HCN2: variants seen among roughly 807,000 people sequenced by gnomAD.
HCN2 encodes the protein hyperpolarization activated cyclic nucleotide gated potassium and sodium channel 2.
HCN2 carries 20 observed loss-of-function variants against 52.3 expected under a neutral mutation model. The ratio of observed to expected loss-of-function variants is 0.38; its 90% CI spans 0.27 to 0.56. HCN2 has a LOEUF of 0.56. Among genes scored for constraint, HCN2 ranks in the 20% least tolerant of loss-of-function variants. HCN2 has a pLI of 0.71. For missense variants in HCN2, 981 were observed against 1,207.7 expected, an observed-to-expected ratio of 0.81 and a Z score of 2.78; for synonymous variants, 694 against 537.0, an observed-to-expected ratio of 1.29 and a Z score of -4.04.
chr19:597,258 G>A (rs977434558), intron 1 of HCN2, among the ~76,000 whole-genome samples: 2 of 152,242 alleles, frequency 1.3e-5, no homozygotes, highest in African/African-American at 4.8e-5. Context: ...CTCAAGGGAG[G>A]TGGTTTCCAG....
chr19:598,561 C>T (rs1193069674), intron 1 of HCN2, among the ~76,000 whole-genome samples: 1 of 152,050 alleles, frequency 6.6e-6, no homozygotes, highest in African/African-American at 2.4e-5. Flanking sequence ...TAGTCTTGGC[C>T]TCCCAAGGTG....
chr19:615,626 T>C (rs190506760), intron 7 of HCN2, among the ~76,000 whole-genome samples, 169 bp from the exon 8 acceptor site: 9 of 152,350 alleles, frequency 5.9e-5, no homozygotes, highest in South Asian at 4.1e-4. Flanking sequence ...ATCCATACTA[T>C]AGGCCAGAGA....
rs1235580083 is a variant in HCN2 at position 590,788 on chromosome 19, G to A, written c.632+211G>A. On this transcript the variant is annotated intron_variant, in intron 1 of 7. Coordinates refer to ENST00000251287, the MANE Select transcript of HCN2 (RefSeq NM_001194.4). The surrounding 1 kb of genome is among the most constrained non-coding windows in gnomAD (Gnocchi z 7.2). ...CTGGGGGGGCTCCCCGGGTGACCGC[G>A]GAGCGCCCCCCTCCCACGCACCCCG... The A allele has an allele frequency of 3.3e-6, 1 of 304,456 alleles. No homozygotes were observed. The highest frequency in any genetic ancestry group is 5.4e-5 in the East Asian group (1 of 18,634). 18.9% of individuals were successfully genotyped at this position (304,456 alleles called of 1,614,324 possible).
chr19:602,646 C>G (rs1198039670), intron 1 of HCN2, among the ~76,000 whole-genome samples: 2 of 152,254 alleles, frequency 1.3e-5, no homozygotes, highest in Non-Finnish European at 2.9e-5. Flanking sequence ...CAGTGCCCCT[C>G]TGCACCCCGG....
intron 4 of HCN2, among the ~76,000 whole-genome samples, chr19:609,893 G>T (rs1983549734): frequency 6.6e-6 from 1 of 151,768 alleles, no homozygotes; most frequent in African/African-American, 2.4e-5. Flanking sequence ...GAGCGAGACA[G>T]TGTCTCAGAA....
Position 616,230 on chromosome 19 carries a change from C to A in HCN2, c.2426C>A (p.Pro809His), listed in dbSNP as rs1361822487. Reference protein sequence around the residue: ...PAAPLAGPALPARRLSRASRP... With the variant: ...PAAPLAGPALHARRLSRASRP... Reference sequence around the variant, plus strand: ...GCCCCCCTTGCTGGGCCCGCCCTGCCCGCGCGCCGCCTGAGCCGCGCGTCG... The same window carrying A: ...GCCCCCCTTGCTGGGCCCGCCCTGCACGCGCGCCGCCTGAGCCGCGCGTCG... Residue 809 changes from proline (P) to histidine (H), a missense_variant, in exon 8 of 8, where the codon CCC (proline) becomes CAC (histidine). Coordinates refer to ENST00000251287, the MANE Select transcript of HCN2 (RefSeq NM_001194.4). The A allele has an allele frequency of 2.0e-6, 2 of 994,256 alleles. No individual in the cohort carries two copies. Among genetic ancestry groups the A allele is most frequent in the African/African-American group, 1.8e-5 (1 of 56,926 alleles). 61.6% of individuals were successfully genotyped at this position (994,256 alleles called of 1,614,324 possible). A position where few individuals can be genotyped will look rare whatever the true frequency, so the allele number is the denominator to read the frequency against.
intron 5 of HCN2, among the ~76,000 whole-genome samples, chr19:612,678 G>T (rs968969939): frequency 1.3e-5 from 2 of 151,720 alleles, no homozygotes; most frequent in African/African-American, 2.4e-5. Flanking sequence ...GCCTCCCAGA[G>T]TGCTGGGATT....
intron 1 of HCN2, among the ~76,000 whole-genome samples, chr19:602,222 C>T (rs10410763): frequency 0.015 from 571 of 38,098 alleles, no homozygotes; most frequent in African/African-American, 0.023. Context: ...ACGCCCCACT[C>T]CCTCCTCTCT....
chr19:595,852 C>G (rs994812939), intron 1 of HCN2, among the ~76,000 whole-genome samples: 1 of 152,244 alleles, frequency 6.6e-6, no homozygotes, highest in Non-Finnish European at 1.5e-5. Flanking sequence ...CCTTAATCAC[C>G]GACCTCCGGC....
rs150194571 is a variant in HCN2, at chr19:609,586, C to T, written c.1438-673C>T. Among the ~76,000 whole-genome samples the T allele has an allele frequency of 4.9e-3, 740 of 152,294 alleles. 1 individual carries two copies. The highest frequency in any genetic ancestry group is 7.0e-3 in the African/African-American group (291 of 41,570). ...TTTAAGACCAGCCTGAGCAACACGG[C>T]GAGACCTCATCGCTACAAAAAATTA... On this transcript the variant is annotated intron_variant, in intron 4 of 7. Coordinates refer to ENST00000251287, the MANE Select transcript of HCN2 (RefSeq NM_001194.4).
rs1982886106 is a variant in HCN2 at position 591,928 on chromosome 19, T to G, written c.632+1351T>G. 6.6e-6 allele frequency among the ~76,000 whole-genome samples: 1 copy of G among 152,154 alleles called. No individual in the cohort carries two copies. The highest frequency in any genetic ancestry group is 1.5e-5 in the Non-Finnish European group (1 of 68,002). ...TGGAATCCTCCTCCCACCCCAGGCC[T>G]TCCTGAGAGGTGAATACAGCTTTGA... On this transcript the variant is annotated intron_variant, in intron 1 of 7. Coordinates refer to ENST00000251287, the MANE Select transcript of HCN2 (RefSeq NM_001194.4). This position sits in a 1 kb window ranked among gnomAD's most constrained non-coding sequence, Gnocchi z 4.1.
At chr19:593,347 C>T (rs11881704) in intron 1 of HCN2, among the ~76,000 whole-genome samples, 48,079 of 152,034 alleles carry the variant, frequency 0.32, 9,433 homozygotes, top group African/African-American at 0.56. Context: ...CAGGGTGCAG[C>T]GGCTCACGCC....
At position 616,972 on chromosome 19, in the gene HCN2, C is replaced by G; in HGVS notation, c.*498C>G. On this transcript the variant is annotated 3_prime_UTR_variant, in exon 8 of 8. Coordinates refer to ENST00000251287, the MANE Select transcript of HCN2 (RefSeq NM_001194.4). ...CCCGGTGACCTCGGGGAGCAGCACCCCGCCTCCCTCCAGCACTGGCACCGA... is the reference window on the plus strand; with the variant it reads ...CCCGGTGACCTCGGGGAGCAGCACCGCGCCTCCCTCCAGCACTGGCACCGA... 2.2e-6 allele frequency: 1 copy of G among 461,992 alleles called. No homozygotes were observed. The highest frequency in any genetic ancestry group is 4.0e-6 in the Non-Finnish European group (1 of 251,238). The allele number at this position is 461,992 out of a possible 1,614,324, so 28.6% of individuals were successfully genotyped here. A position where few individuals can be genotyped will look rare whatever the true frequency, so the allele number is the denominator to read the frequency against.
At chr19:599,041 A>G (rs1242000699) in intron 1 of HCN2, among the ~76,000 whole-genome samples, 1 of 152,214 alleles carries the variant, frequency 6.6e-6, no homozygotes, top group African/African-American at 2.4e-5. Flanking sequence ...GGCTGCAGGA[A>G]CTTGTCCAAG....
chr19:612,079 C>T (rs887160505), intron 5 of HCN2, among the ~76,000 whole-genome samples: 64 of 151,798 alleles, frequency 4.2e-4, no homozygotes, highest in African/African-American at 1.4e-3. Context: ...CAGGAGGCGG[C>T]GGTTGCAGTG....
chr19:613,509 CCTG>C lies in HCN2; in HGVS notation c.1825+22_1825+24del. ...CGGGGGTGAGCTTGAGGGGGGCGCGCCTGGAGGGGGAGGGGGCACGCGACCCCC... is the reference window on the plus strand; with the variant it reads ...CGGGGGTGAGCTTGAGGGGGGCGCGCGAGGGGGAGGGGGCACGCGACCCCC... On this transcript the variant is annotated intron_variant, in intron 6 of 7. Transcript: ENST00000251287. 4.0e-6 allele frequency: 4 copies of C among 1,007,978 alleles called. 1 individual carries two copies. Among genetic ancestry groups the C allele is most frequent in the African/African-American group, 3.4e-5 (2 of 59,414 alleles). The allele number at this position is 1,007,978 out of a possible 1,614,324, so 62.4% of individuals were successfully genotyped here.
intron 1 of HCN2, among the ~76,000 whole-genome samples, chr19:597,432 G>A (rs146183851): frequency 1.3e-5 from 2 of 152,354 alleles, no homozygotes; most frequent in South Asian, 2.1e-4. Context: ...TTATATGGCC[G>A]TTTAAAACCA....
At chr19:605,904 C>G (rs1008934669) in intron 3 of HCN2, among the ~76,000 whole-genome samples, 1 of 152,186 alleles carries the variant, frequency 6.6e-6, no homozygotes, top group African/African-American at 2.4e-5. Context: ...GAGGGGGACC[C>G]AGGACTGCAG....
intron 1 of HCN2, among the ~76,000 whole-genome samples, chr19:601,435 G>T (rs571852312): frequency 3.3e-5 from 5 of 152,204 alleles, no homozygotes; most frequent in Non-Finnish European, 7.3e-5. Context: ...TGGACGGGTC[G>T]CGCCGTGTTT....
Sources: allele counts gnomAD v4.1 joint callset (sites outside exome capture counted in the v4.1 genomes callset), GRCh38; gene constraint gnomAD v4.1.1; non-coding constraint Gnocchi (gnomAD v3.1); transcripts MANE v1.5; gene names NCBI Gene and HGNC (gene_info 2026-07-23, HGNC 2026-07-21).